Variants in RGS7 observed in about 807,000 individuals in gnomAD.
RGS7 encodes regulator of G-protein signaling 7.
In RGS7, 27 loss-of-function variants were observed where a neutral mutation model predicts 81.1. The ratio of observed to expected loss-of-function variants is 0.33; its 90% CI spans 0.25 to 0.46. RGS7 has a LOEUF of 0.46. Among genes scored for constraint, RGS7 ranks in the 20% least tolerant of loss-of-function variants. The pLI is 1.00. For synonymous variants in RGS7, 208 were observed against 207.7 expected (o/e 1.00, Z -0.01); for missense variants, 396 against 607.4 (o/e 0.65, Z 3.66).
intron 3 of RGS7, among the ~76,000 whole-genome samples, chr1:241,016,211 T>C (rs2059210694): frequency 1.3e-5 from 2 of 152,102 alleles, no homozygotes; most frequent in African/African-American, 2.4e-5. Context: ...TTAAATTCCT[T>C]AGAAAAAATT....
intron 6 of RGS7, among the ~76,000 whole-genome samples, chr1:240,927,681 T>G (rs932552493): frequency 6.6e-6 from 1 of 152,202 alleles, no homozygotes; most frequent in Admixed American, 6.5e-5. Flanking sequence ...TGTTATTCTC[T>G]TCCTCTCATT....
intron 6 of RGS7, among the ~76,000 whole-genome samples, chr1:240,871,215 A>G (rs139504006): frequency 2.6e-3 from 396 of 152,328 alleles, no homozygotes; most frequent in African/African-American, 8.8e-3. Flanking sequence ...GATACATTGT[A>G]TCTGTTCTAG....
chr1:240,806,915 T>C (rs1382106281), intron 14 of RGS7, among the ~76,000 whole-genome samples: 1 of 152,154 alleles, frequency 6.6e-6, no homozygotes, highest in Non-Finnish European at 1.5e-5. Context: ...GATCAGAAAA[T>C]GCTCTGGCTG....
intron 3 of RGS7, among the ~76,000 whole-genome samples, chr1:241,033,084 G>A (rs559875946): frequency 2.8e-4 from 42 of 152,186 alleles, no homozygotes; most frequent in African/African-American, 5.8e-4. Context: ...GGCTGGGTGC[G>A]GTAGCTCACG....
intron 3 of RGS7, among the ~76,000 whole-genome samples, chr1:241,070,764 C>A (rs867003823): frequency 2.5e-5 from 3 of 118,676 alleles, no homozygotes; most frequent in African/African-American, 6.4e-5. Flanking sequence ...AACAGCCCAA[C>A]AGAAGGCCAC....
chr1:240,959,618 G>A (rs1332698162), intron 4 of RGS7, among the ~76,000 whole-genome samples: 1 of 152,092 alleles, frequency 6.6e-6, no homozygotes, highest in African/African-American at 2.4e-5. Flanking sequence ...CCGAAACGTT[G>A]TTATGGGATA....
At chr1:240,965,984 G>C (rs895462492) in intron 4 of RGS7, among the ~76,000 whole-genome samples, 9 of 152,122 alleles carry the variant, frequency 5.9e-5, no homozygotes, top group African/African-American at 2.2e-4. Flanking sequence ...TGTAGAGGGA[G>C]GAGGTGCTCT....
At chr1:241,192,378 T>A (rs893723439) in intron 2 of RGS7, among the ~76,000 whole-genome samples, 5 of 152,104 alleles carry the variant, frequency 3.3e-5, no homozygotes, top group African/African-American at 1.2e-4. Flanking sequence ...CATTAAGAAC[T>A]CACTGCCATG....
At chr1:241,184,262 G>T (rs563401974) in intron 2 of RGS7, among the ~76,000 whole-genome samples, 1 of 152,162 alleles carries the variant, frequency 6.6e-6, no homozygotes, top group African/African-American at 2.4e-5. Context: ...TTGAGCTCAA[G>T]AGCCAATAAA....
At chr1:240,963,157 G>A (rs1681738243) in intron 4 of RGS7, among the ~76,000 whole-genome samples, 2 of 152,144 alleles carry the variant, frequency 1.3e-5, no homozygotes, top group South Asian at 2.1e-4. Context: ...TGGGAGTAGA[G>A]AGAGGTGGAC....
In RGS7 at chr1:241,346,047, T is replaced by C. The variant is rs574566909; in HGVS notation, c.78+9652A>G. On this transcript the variant is annotated intron_variant, in intron 2 of 18. Coordinates refer to ENST00000440928, the MANE Select transcript of RGS7 (RefSeq NM_001364886.1). The stretch of plus-strand genomic sequence containing the variant: ...AATAAAATAAATACTTAAATGTTTC[T>C]ATTTTTCAACTTGCAGAGTTTCAAT... 2.0e-5 allele frequency among the ~76,000 whole-genome samples: 3 copies of C among 152,222 alleles called. No homozygotes were observed. The East Asian group carries it at 5.8e-4, about 29-fold the overall frequency.
intron 2 of RGS7, among the ~76,000 whole-genome samples, chr1:241,314,728 T>C (rs2080761569): frequency 6.6e-6 from 1 of 152,126 alleles, no homozygotes; most frequent in South Asian, 2.1e-4. Context: ...GTAAAAGAAG[T>C]AGAGCTGTGG....
intron 2 of RGS7, among the ~76,000 whole-genome samples, chr1:241,194,317 C>T (rs1467919212): frequency 1.3e-5 from 2 of 152,260 alleles, no homozygotes; most frequent in East Asian, 3.9e-4. Context: ...CCTCTGGGCA[C>T]CAATGGACAT....
intron 2 of RGS7, among the ~76,000 whole-genome samples, chr1:241,107,315 ATT>A (rs1339653949): frequency 1.3e-5 from 2 of 152,188 alleles, no homozygotes; most frequent in African/African-American, 4.8e-5. Context: ...ACTTTAAATT[ATT>A]TGAGCTTTGA....
At chr1:241,131,547 G>T (rs921131542) in intron 2 of RGS7, among the ~76,000 whole-genome samples, 3 of 152,118 alleles carry the variant, frequency 2.0e-5, no homozygotes, top group Non-Finnish European at 2.9e-5. Flanking sequence ...GGTAAAAATT[G>T]GTAGGTGTAA....
chr1:241,339,132 T>C (rs571372175), intron 2 of RGS7, among the ~76,000 whole-genome samples: 30 of 152,200 alleles, frequency 2.0e-4, no homozygotes, highest in African/African-American at 7.0e-4. Flanking sequence ...AGTGAGAACA[T>C]GCAGTGTTTA....
At chr1:241,210,927 T>C (rs1322789099) in intron 2 of RGS7, among the ~76,000 whole-genome samples, 23 of 152,202 alleles carry the variant, frequency 1.5e-4, no homozygotes, top group Admixed American at 1.4e-3. Flanking sequence ...AGGTCAATTG[T>C]GGTAACCAAA....
At chr1:240,835,535 T>G (rs1381716302) in intron 9 of RGS7, among the ~76,000 whole-genome samples, 4 of 152,188 alleles carry the variant, frequency 2.6e-5, no homozygotes, top group Non-Finnish European at 5.9e-5. Context: ...GTTTGGCAGT[T>G]TCTTACAAAA....
At chr1:240,843,300 C>G (rs570988005) in intron 9 of RGS7, among the ~76,000 whole-genome samples, 1 of 152,034 alleles carries the variant, frequency 6.6e-6, no homozygotes, top group East Asian at 1.9e-4. Context: ...GGGTCTTGCT[C>G]TGTTGCCCAG....
Sources: allele counts gnomAD v4.1 joint callset (sites outside exome capture counted in the v4.1 genomes callset), GRCh38; gene constraint gnomAD v4.1.1; transcripts MANE v1.5; gene names NCBI Gene and HGNC (gene_info 2026-07-23, HGNC 2026-07-21).